Variants in GFI1B observed in about 807,000 individuals in gnomAD.
GFI1B encodes zinc finger protein Gfi-1b.
GFI1B carries 20 observed loss-of-function variants against 35.3 expected under a neutral mutation model. The ratio of observed to expected loss-of-function variants is 0.57; its 90% CI spans 0.40 to 0.82. The LOEUF (loss-of-function observed/expected upper bound fraction) is 0.82. Ranked by LOEUF, GFI1B falls within the 40% of genes least tolerant of loss-of-function variation. GFI1B has a pLI of 0.00. For missense variants in GFI1B, 430 were observed against 446.3 expected (o/e 0.96, Z 0.33); for synonymous variants, 178 against 177.6 (o/e 1.00, Z -0.02).
At chr9:132,957,893 C>T (rs971081811) in intron 1 of GFI1B, among the ~76,000 whole-genome samples, 3 of 152,116 alleles carry the variant, frequency 2.0e-5, no homozygotes, top group African/African-American at 7.2e-5. Flanking sequence ...CATTGAGTAC[C>T]GAACAGTTTC....
intron 1 of GFI1B, among the ~76,000 whole-genome samples, chr9:132,960,229 C>T (rs1848342772): frequency 6.6e-6 from 1 of 152,188 alleles, no homozygotes; most frequent in African/African-American, 2.4e-5. Context: ...GGTGATGGAG[C>T]AGATGGGCTT....
chr9:132,989,669 T>TC lies in GFI1B; in HGVS notation c.649-71dup. On this transcript the variant is annotated intron_variant, in intron 5 of 6. Coordinates refer to ENST00000372122, the MANE Select transcript of GFI1B (RefSeq NM_001377304.1). This position sits in a 1 kb window ranked among gnomAD's most constrained non-coding sequence, Gnocchi z 6.2. ...AGGCCGCCCCAATGGAGTGTCCTGT[T>TC]CCGCAGGGGATCCCGGCCGGGTCCA... The TC allele has an allele frequency of 7.7e-7, 1 of 1,291,902 alleles. No individual in the cohort carries two copies. The highest frequency in any genetic ancestry group is 1.1e-6 in the Non-Finnish European group (1 of 903,306). 80.0% of individuals were successfully genotyped at this position (1,291,902 alleles called of 1,614,324 possible).
intron 1 of GFI1B, among the ~76,000 whole-genome samples, chr9:132,947,446 T>G (rs1588400530): frequency 6.8e-6 from 1 of 147,492 alleles, no homozygotes; most frequent in South Asian, 2.1e-4. Flanking sequence ...AAAAAGAGAA[T>G]TCATGAATCA....
chr9:132,970,539 G>T (rs1848518427), intron 1 of GFI1B, among the ~76,000 whole-genome samples: 1 of 152,174 alleles, frequency 6.6e-6, no homozygotes, highest in South Asian at 2.1e-4. Flanking sequence ...GCAGTGTGGT[G>T]CTCATCAGAA....
At position 132,986,802 on chromosome 9, in the gene GFI1B, C is replaced by A. The variant is rs749314167; in HGVS notation, c.100+24C>A. 6 of 1,438,386 alleles carry A rather than the reference C, an allele frequency of 4.2e-6. No homozygotes were observed. The East Asian group carries it at 1.2e-4, about 28-fold the overall frequency. The allele number at this position is 1,438,386 out of a possible 1,614,324, so 89.1% of individuals were successfully genotyped here. On this transcript the variant is annotated intron_variant, in intron 2 of 6. Coordinates refer to ENST00000372122, the MANE Select transcript of GFI1B (RefSeq NM_001377304.1). The stretch of plus-strand genomic sequence containing the variant: ...GGGTGAGTCAGAGCCCGGGCTGGCG[C>A]CTGCTGCACCCACGGGGGGCTCTCT...
chr9:132,988,536 G>A, intron 4 of GFI1B, 68 bp downstream of exon 4: 2 of 1,420,372 alleles, frequency 1.4e-6, no homozygotes, highest in Non-Finnish European at 2.0e-6. Context: ...CTCACTGGCA[G>A]CTCTGGGCGT....
At chr9:132,961,479 G>T (rs1453634983) in intron 1 of GFI1B, among the ~76,000 whole-genome samples, 1 of 150,464 alleles carries the variant, frequency 6.6e-6, no homozygotes, top group Non-Finnish European at 1.5e-5. Flanking sequence ...AAAAATGTAA[G>T]TGACCCTAAG....
Position 132,989,845 on chromosome 9 carries a change from A to T in GFI1B, c.752A>T (p.Gln251Leu). ...TCAGACACGCGGCCCTACCCCTGCC[A>T]GTTCTGCGGCAAGCGTTTCCACCAG... Reference protein sequence around the residue: ...IHSDTRPYPCQFCGKRFHQKS... With the variant: ...IHSDTRPYPCLFCGKRFHQKS... The change falls in exon 6 of 7, where the codon CAG becomes CTG. Residue 251 changes from glutamine (Q) to leucine (L), a missense_variant. Coordinates refer to ENST00000372122, the MANE Select transcript of GFI1B (RefSeq NM_001377304.1). The surrounding 1 kb of genome is among the most constrained non-coding windows in gnomAD (Gnocchi z 6.2). The T allele has an allele frequency of 6.2e-7, 1 of 1,614,202 alleles. No homozygotes were observed. Among genetic ancestry groups the T allele is most frequent in the Non-Finnish European group, 8.5e-7 (1 of 1,180,000 alleles).
At chr9:132,987,531 A>G in intron 3 of GFI1B, 112 bp downstream of exon 3, 9 of 1,245,066 alleles carry the variant, frequency 7.2e-6, no homozygotes, top group Non-Finnish European at 1.0e-5. Context: ...GGACCCACGA[A>G]GTCACTGGAT....
At chr9:132,960,057 A>C (rs574821514) in intron 1 of GFI1B, among the ~76,000 whole-genome samples, 1 of 152,328 alleles carries the variant, frequency 6.6e-6, no homozygotes, top group Non-Finnish European at 1.5e-5. Context: ...AGCAGATGAC[A>C]TGGGAAAGAC....
chr9:132,961,730 T>C (rs1355385192), intron 1 of GFI1B, among the ~76,000 whole-genome samples: 1 of 152,142 alleles, frequency 6.6e-6, no homozygotes, highest in East Asian at 1.9e-4. Flanking sequence ...TAGCTGGGAC[T>C]ACAGGTGCCC....
chr9:132,969,297 C>G (rs1447534784), intron 1 of GFI1B, among the ~76,000 whole-genome samples: 1 of 152,240 alleles, frequency 6.6e-6, no homozygotes, highest in Non-Finnish European at 1.5e-5. Flanking sequence ...TCCCAAAGTG[C>G]TGGGATTACA....
At chr9:132,959,184 G>A (rs907820783) in intron 1 of GFI1B, among the ~76,000 whole-genome samples, 1 of 152,146 alleles carries the variant, frequency 6.6e-6, no homozygotes, top group East Asian at 1.9e-4. Flanking sequence ...GTCATGGTAG[G>A]GAAACTGGGG....
chr9:132,945,778 C>T (rs1348969228), intron 1 of GFI1B: 2 of 151,500 alleles, frequency 1.3e-5, no homozygotes, highest in Non-Finnish European at 3.0e-5. Context: ...CCTAATAGAA[C>T]CAGGCGAGGC....
Position 132,949,304 on chromosome 9 carries a change from C to T in GFI1B, c.-701+3635C>T, listed in dbSNP as rs568681225. 3.8e-3 allele frequency among the ~76,000 whole-genome samples: 496 copies of T among 129,682 alleles called. 1 individual carries two copies. Among genetic ancestry groups the T allele is most frequent in the African/African-American group, 9.2e-3 (321 of 35,064 alleles). 85.1% of individuals were successfully genotyped at this position (129,682 alleles called of 152,430 possible). ...ACACACACACACACACACACACACA[C>T]ATCAAGCCAAACCCACAGATACACA... On this transcript the variant is annotated intron_variant, in intron 1 of 10. Transcript: ENST00000339463.
In GFI1B at chr9:132,990,909, C is replaced by T. The variant is rs1007956136; in HGVS notation, c.852C>T (p.Ala284=). The T allele has an allele frequency of 5.6e-6, 9 of 1,614,120 alleles. No homozygotes were observed. Among genetic ancestry groups the T allele is most frequent in the Admixed American group, 3.3e-5 (2 of 60,016 alleles). The change falls in exon 7 of 7, where the codon GCC becomes GCT. Residue 284 remains alanine, a synonymous_variant. Coordinates refer to ENST00000372122, the MANE Select transcript of GFI1B (RefSeq NM_001377304.1). ...KPHKCQVCGK[A]FSQSSNLITH... ...ACAAGTGCCAGGTGTGCGGAAAGGC[C>T]TTCAGCCAGAGCTCCAACCTCATCA...
At chr9:132,959,345 TC>T (rs1280727491) in intron 1 of GFI1B, among the ~76,000 whole-genome samples, 2 of 152,196 alleles carry the variant, frequency 1.3e-5, no homozygotes, top group South Asian at 4.2e-4. Flanking sequence ...CATGTTTGCT[TC>T]CCCTCCTGCC....
chr9:132,957,830 CA>C (rs1203860286), intron 1 of GFI1B, among the ~76,000 whole-genome samples: 1 of 152,158 alleles, frequency 6.6e-6, no homozygotes, highest in East Asian at 1.9e-4. Flanking sequence ...TGTAACCAAG[CA>C]TGCTGGGGAA....
chr9:132,985,524 G>C (rs986117086), intron 1 of GFI1B, among the ~76,000 whole-genome samples: 3 of 152,188 alleles, frequency 2.0e-5, no homozygotes, highest in Admixed American at 2.0e-4. Flanking sequence ...ACTCCTCAGA[G>C]AGAGAAAGCC....
Sources: gnomAD v4.1 joint callset for allele counts (sites outside exome capture counted in the v4.1 genomes callset) on GRCh38, gnomAD v4.1.1 for gene constraint, Gnocchi (gnomAD v3.1) non-coding constraint, MANE v1.5 for transcripts, NCBI Gene and HGNC (gene_info 2026-07-23, HGNC 2026-07-21) for gene names.